RLN2: variants seen among roughly 807,000 people sequenced by gnomAD.
RLN2 encodes the protein relaxin 2, also known as prorelaxin H2.
RLN2 carries 10 observed loss-of-function variants against 7.3 expected under a neutral mutation model. The ratio of observed to expected loss-of-function variants is 1.36; its 90% CI spans 0.84 to 2.31. RLN2 has a LOEUF of 2.31. RLN2 is among the 30% of genes most tolerant of loss of function. The probability of loss-of-function intolerance (pLI) is 0.00; values close to 1 mark genes in which losing one functional copy is unlikely to be tolerated. For synonymous variants in RLN2, 103 were observed against 82.3 expected (o/e 1.25, Z -1.36); for missense variants, 298 against 217.6 (o/e 1.37, Z -2.32).
At chr9:5,319,010 A>C in the RLN2 span, among the ~76,000 whole-genome samples, 1 of 152,006 alleles carries the variant, frequency 6.6e-6, no homozygotes, top group Non-Finnish European at 1.5e-5. Flanking sequence ...AAAGCCTCTT[A>C]ACCTTATAGT....
the RLN2 span, among the ~76,000 whole-genome samples, chr9:5,328,204 GAGA>G: frequency 6.6e-6 from 1 of 152,012 alleles, no homozygotes; most frequent in African/African-American, 2.4e-5. Flanking sequence ...AAACAGTGTA[GAGA>G]AGATCTTAAA....
chr9:5,305,386 CACACACACACACACACAG>C (rs1443894260), upstream of RLN2, among the ~76,000 whole-genome samples: 18 of 141,852 alleles, frequency 1.3e-4, 1 homozygote, highest in African/African-American at 4.0e-4. Context: ...CACACACACA[CACACACACACACACACAG>C]AGAGAGAGAG....
chr9:5,304,737 A>G (rs914366003), upstream of RLN2: 2 of 712,890 alleles, frequency 2.8e-6, no homozygotes, highest in Non-Finnish European at 4.7e-6. Context: ...GCTATCACTC[A>G]GCTTTTAAGG....
chr9:5,320,739 T>C, the RLN2 span, among the ~76,000 whole-genome samples: 2 of 152,108 alleles, frequency 1.3e-5, no homozygotes, highest in African/African-American at 2.4e-5. Flanking sequence ...ATTTAAAGAC[T>C]CTTTATATTC....
At chr9:5,336,239 A>C in the RLN2 span, among the ~76,000 whole-genome samples, 40 of 152,074 alleles carry the variant, frequency 2.6e-4, 2 homozygotes, top group Non-Finnish European at 5.1e-4. Context: ...TGAAAGAGAG[A>C]AGTGGGTTAA....
the RLN2 span, among the ~76,000 whole-genome samples, chr9:5,317,210 C>T: frequency 2.6e-4 from 39 of 151,880 alleles, 2 homozygotes; most frequent in Non-Finnish European, 4.0e-4. Flanking sequence ...TAACTCCTTA[C>T]CTATCAATAA....
chr9:5,315,053 G>C, the RLN2 span, among the ~76,000 whole-genome samples: 1,399 of 150,910 alleles, frequency 9.3e-3, 31 homozygotes, highest in African/African-American at 0.032. Flanking sequence ...TCAATGCAAG[G>C]ACATAAGAAC....
At chr9:5,316,046 C>G in the RLN2 span, among the ~76,000 whole-genome samples, 1 of 151,946 alleles carries the variant, frequency 6.6e-6, no homozygotes, top group African/African-American at 2.4e-5. Context: ...ATAGTCAAAT[C>G]CAAAATACTC....
chr9:5,313,955 C>A, the RLN2 span, among the ~76,000 whole-genome samples: 12 of 152,040 alleles, frequency 7.9e-5, no homozygotes, highest in East Asian at 2.3e-3. Flanking sequence ...TCAGTTGGAA[C>A]CAGGGGGAAA....
chr9:5,316,385 T>C, the RLN2 span, among the ~76,000 whole-genome samples: 3 of 151,344 alleles, frequency 2.0e-5, no homozygotes, highest in Admixed American at 6.6e-5. Context: ...GGTGGTTTGC[T>C]GCACCATCAA....
rs751737945 is a variant in RLN2, at chr9:5,300,461, A to T, written c.212-17T>A. The T allele has an allele frequency of 6.4e-7, 1 of 1,563,884 alleles. No homozygotes were observed. Among genetic ancestry groups the T allele is most frequent in the South Asian group, 1.2e-5 (1 of 86,126 alleles). On this transcript the variant is annotated splice_polypyrimidine_tract_variant and intron_variant, in intron 1 of 1. Coordinates refer to ENST00000381627, the MANE Select transcript of RLN2 (RefSeq NM_134441.3). ...GCACAATTTCTGTTAAATTTAAAAA[A>T]AAAGGTGTATGTGAGGGTATATTCA... is the stretch of plus-strand genomic sequence containing the variant.
chr9:5,325,874 G>C, the RLN2 span, among the ~76,000 whole-genome samples: 1 of 151,832 alleles, frequency 6.6e-6, no homozygotes. Flanking sequence ...CTTCCCAAAG[G>C]CGATGTCAAG....
At chr9:5,322,941 A>T in the RLN2 span, among the ~76,000 whole-genome samples, 1 of 151,760 alleles carries the variant, frequency 6.6e-6, no homozygotes, top group Non-Finnish European at 1.5e-5. Context: ...GTCAATGCAG[A>T]AAAAGCACTT....
chr9:5,310,890 T>G, the RLN2 span, among the ~76,000 whole-genome samples: 1 of 152,100 alleles, frequency 6.6e-6, no homozygotes, highest in East Asian at 1.9e-4. Context: ...AGTGTTCTGT[T>G]TTATCAATTA....
At chr9:5,321,954 C>G in the RLN2 span, among the ~76,000 whole-genome samples, 1 of 152,002 alleles carries the variant, frequency 6.6e-6, no homozygotes, top group Non-Finnish European at 1.5e-5. Flanking sequence ...TTCTTCTCCT[C>G]CTTATTTCCT....
At chr9:5,300,569 A>G (rs1374753081) in intron 1 of RLN2, 125 bp from the exon 2 acceptor site, 2 of 652,782 alleles carry the variant, frequency 3.1e-6, no homozygotes, top group African/African-American at 3.7e-5. Context: ...ATTGAAACAA[A>G]ATAAGCAAGC....
At chr9:5,326,419 T>A in the RLN2 span, among the ~76,000 whole-genome samples, 1 of 152,060 alleles carries the variant, frequency 6.6e-6, no homozygotes, top group East Asian at 1.9e-4. Context: ...CCCACTGCCA[T>A]AGGCAGACCA....
chr9:5,331,758 T>C, the RLN2 span, among the ~76,000 whole-genome samples: 1 of 152,008 alleles, frequency 6.6e-6, no homozygotes, highest in Non-Finnish European at 1.5e-5. Context: ...ATGGCACATA[T>C]ATACCTGTGT....
At chr9:5,317,922 G>C in the RLN2 span, among the ~76,000 whole-genome samples, 1 of 151,874 alleles carries the variant, frequency 6.6e-6, no homozygotes, top group Non-Finnish European at 1.5e-5. Flanking sequence ...ACTCATCTAT[G>C]CCAATGGGGT....
Sources: gnomAD v4.1 joint callset for allele counts (sites outside exome capture counted in the v4.1 genomes callset) on GRCh38, gnomAD v4.1.1 for gene constraint, MANE v1.5 for transcripts, NCBI Gene and HGNC (gene_info 2026-07-23, HGNC 2026-07-21) for gene names.